Variants in USP40 observed in about 807,000 individuals in gnomAD.
The protein encoded by USP40 is ubiquitin carboxyl-terminal hydrolase 40.
A neutral mutation model predicts 166.2 loss-of-function variants in USP40; 143 were observed. The observed-to-expected ratio is 0.86, with a 90% CI of 0.75 to 0.99. The LOEUF is 0.99. Among genes scored for constraint, USP40 ranks in the 50% least tolerant of loss-of-function variants. The pLI, the probability that USP40 is intolerant of heterozygous loss-of-function variation, is 0.00. For synonymous variants in USP40, 498 were observed against 524.0 expected, an observed-to-expected ratio of 0.95 and a Z score of 0.68; for missense variants, 1,444 against 1,479.7, an observed-to-expected ratio of 0.98 and a Z score of 0.40.
At chr2:233,512,649 C>CTTAGTATATTATTTTTA in intron 18 of USP40, 27 bp from the exon 19 acceptor site, 1 of 1,334,136 alleles carries the variant, frequency 7.5e-7, no homozygotes, top group Non-Finnish European at 1.0e-6. Context: ...TATTATTTTT[C>CTTAGTATATTATTTTTA]TTAGAGAGCT....
In USP40 at chr2:233,551,415, T is replaced by C. The variant is rs756299327; in HGVS notation, c.798A>G (p.Thr266=). ...GCTTGAGATTAATCCGGAGAGGGAATGTATAACAGCTAGTTTCCTTGTAGC... is the reference window on the plus strand; with the variant it reads ...GCTTGAGATTAATCCGGAGAGGGAACGTATAACAGCTAGTTTCCTTGTAGC... ...CERYKETSCY[T]FPLRINLKPF... is the part of the protein sequence containing the mutation. The change falls in exon 7 of 32, where the codon ACA becomes ACG. Residue 266 remains threonine, a synonymous_variant. Coordinates refer to ENST00000678225, the MANE Select transcript of USP40 (RefSeq NM_001365479.2). 2.3e-5 allele frequency: 37 copies of C among 1,608,810 alleles called. No homozygotes were observed. Among genetic ancestry groups the C allele is most frequent in the Non-Finnish European group, 3.0e-5 (35 of 1,176,390 alleles).
chr2:233,536,770 C>T (rs2068966365), intron 10 of USP40, among the ~76,000 whole-genome samples: 2 of 152,114 alleles, frequency 1.3e-5, no homozygotes, highest in South Asian at 4.1e-4. Flanking sequence ...TTCAACCAAC[C>T]ATGAATCAAA....
intron 20 of USP40, among the ~76,000 whole-genome samples, chr2:233,511,374 T>TA (rs1441494701): frequency 6.6e-6 from 1 of 152,216 alleles, no homozygotes; most frequent in African/African-American, 2.4e-5. Context: ...TCCCTGACTG[T>TA]AAGATGCAAC....
At chr2:233,533,346 T>C (rs1052239126) in intron 11 of USP40, 133 bp downstream of exon 11, 5 of 900,020 alleles carry the variant, frequency 5.6e-6, no homozygotes, top group Non-Finnish European at 6.6e-6. Flanking sequence ...ATATAGTTCT[T>C]GTTAGCTTTA....
intron 6 of USP40, among the ~76,000 whole-genome samples, chr2:233,552,155 C>T (rs2070627463): frequency 6.7e-6 from 1 of 148,782 alleles, no homozygotes; most frequent in African/African-American, 2.5e-5. Context: ...TCATATATAT[C>T]TAACAGTGCT....
chr2:233,484,282 C>T (rs1223656551), intron 30 of USP40, among the ~76,000 whole-genome samples: 2 of 152,188 alleles, frequency 1.3e-5, no homozygotes, highest in African/African-American at 4.8e-5. Context: ...AATTTACAGA[C>T]TTGGGAAGAA....
chr2:233,502,549 G>T (rs1294119717), intron 21 of USP40, among the ~76,000 whole-genome samples: 1 of 152,104 alleles, frequency 6.6e-6, no homozygotes, highest in African/African-American at 2.4e-5. Flanking sequence ...CCTCCCCAGA[G>T]AGAGCGCTGC....
chr2:233,477,883 ATGCAGAGGC>A (rs2064274050), intron 31 of USP40, among the ~76,000 whole-genome samples: 1 of 152,234 alleles, frequency 6.6e-6, no homozygotes, highest in Non-Finnish European at 1.5e-5. Context: ...GTGTGACATG[ATGCAGAGGC>A]TGCCTCTGCC....
chr2:233,549,254 T>A (rs3965793), intron 7 of USP40, 25 bp from the exon 8 acceptor site: 827,175 of 1,247,076 alleles, frequency 0.66, 280,474 homozygotes, highest in East Asian at 0.84. Flanking sequence ...AACAAAAATA[T>A]TGATATAGTT....
At position 233,554,501 on chromosome 2, in the gene USP40, G is replaced by T; in HGVS notation, c.572C>A (p.Ala191Glu). ...RQEDFLDLTVAVKNVSGLEDA... is the reference protein window; with the variant it reads ...RQEDFLDLTVEVKNVSGLEDA... The stretch of plus-strand genomic sequence containing the variant: ...TTCCAAACCGGATACATTTTTGACT[G>T]CTACTGTTAGATCTAAGAAGTCTTC... The change falls in exon 6 of 32, where the codon GCA becomes GAA. Residue 191 changes from alanine (A) to glutamate (E), a missense_variant. Coordinates refer to ENST00000678225, the MANE Select transcript of USP40 (RefSeq NM_001365479.2). The T allele has an allele frequency of 6.2e-7, 1 of 1,609,944 alleles. No individual in the cohort carries two copies. Among genetic ancestry groups the T allele is most frequent in the Non-Finnish European group, 8.5e-7 (1 of 1,178,580 alleles).
intron 3 of USP40, chr2:233,560,892 A>AT (rs2071526395): frequency 3.3e-6 from 2 of 612,700 alleles, no homozygotes; most frequent in Non-Finnish European, 5.9e-6. Context: ...TGTTCTGCAA[A>AT]TATTTCCTTC....
chr2:233,543,779 A>G (rs778333393), intron 8 of USP40, among the ~76,000 whole-genome samples: 1 of 152,216 alleles, frequency 6.6e-6, no homozygotes, highest in Non-Finnish European at 1.5e-5. Flanking sequence ...CAAATTACCC[A>G]GCCTAAGTGT....
At chr2:233,512,046 A>G in intron 19 of USP40, 1 of 342,066 alleles carries the variant, frequency 2.9e-6, no homozygotes, top group Non-Finnish European at 5.2e-6. Flanking sequence ...CTAGTTTCCT[A>G]CTTAATAAAA....
At chr2:233,564,047 G>T (rs2071912406) in intron 2 of USP40, among the ~76,000 whole-genome samples, 1 of 152,170 alleles carries the variant, frequency 6.6e-6, no homozygotes, top group Non-Finnish European at 1.5e-5. Context: ...TTTTACTGGT[G>T]GAATTACTGA....
Position 233,561,272 on chromosome 2 carries a change from C to T in USP40, c.268-1348G>A. On this transcript the variant is annotated intron_variant, in intron 3 of 31. Transcript: ENST00000678225. ...CCCGCATCGCCAAGTCAATCCTAAG[C>T]CAAAAGAACAAAGCTGGAGGCATCA... 3 of 1,446,738 alleles carry T rather than the reference C, an allele frequency of 2.1e-6. No individual in the cohort carries two copies. In the South Asian group the frequency reaches 3.7e-5, roughly 18 times the overall value. The allele number at this position is 1,446,738 out of a possible 1,614,324, so 89.6% of individuals were successfully genotyped here. A position where few individuals can be genotyped will look rare whatever the true frequency, so the allele number is the denominator to read the frequency against.
intron 10 of USP40, among the ~76,000 whole-genome samples, chr2:233,534,505 G>A (rs989467380): frequency 2.0e-5 from 3 of 152,046 alleles, no homozygotes; most frequent in African/African-American, 7.2e-5. Flanking sequence ...TGACACTTGG[G>A]TACTTCATCA....
chr2:233,530,205 G>GACACACACAC (rs71058561), intron 11 of USP40, among the ~76,000 whole-genome samples: 15,854 of 149,260 alleles, frequency 0.11, 880 homozygotes, highest in African/African-American at 0.15. Context: ...TCACTCCCAA[G>GACACACACAC]ACACACACAC....
chr2:233,509,145 A>T (rs2066625763), intron 21 of USP40, among the ~76,000 whole-genome samples: 1 of 152,168 alleles, frequency 6.6e-6, no homozygotes, highest in Non-Finnish European at 1.5e-5. Context: ...CAGGTTGGTC[A>T]CTCTTTCCAA....
chr2:233,509,993 C>T (rs2066691541), intron 21 of USP40, 56 bp downstream of exon 21: 1 of 1,388,886 alleles, frequency 7.2e-7, no homozygotes, highest in East Asian at 2.5e-5. Flanking sequence ...CACTGTTCCT[C>T]ACAGCAAACA....
Sources: allele counts gnomAD v4.1 joint callset (sites outside exome capture counted in the v4.1 genomes callset), GRCh38; gene constraint gnomAD v4.1.1; transcripts MANE v1.5; gene names NCBI Gene and HGNC (gene_info 2026-07-23, HGNC 2026-07-21).